Variants in TDP1 observed in about 807,000 individuals in gnomAD.
The protein encoded by TDP1 is tyrosyl-DNA phosphodiesterase 1, also known as tyr-DNA phosphodiesterase 1.
TDP1 carries 64 observed loss-of-function variants against 81.5 expected under a neutral mutation model. The observed-to-expected ratio is 0.79, with a 90% CI of 0.64 to 0.97. The LOEUF (loss-of-function observed/expected upper bound fraction) is 0.97. TDP1 is among the 50% of genes least tolerant of loss of function. TDP1 has a pLI of 0.00. For missense variants in TDP1, 723 were observed against 743.8 expected (o/e 0.97, Z 0.33); for synonymous variants, 256 against 264.3 (o/e 0.97, Z 0.30).
intron 14 of TDP1, among the ~76,000 whole-genome samples, chr14:89,998,791 G>A (rs1428758739): frequency 6.6e-6 from 1 of 152,070 alleles, no homozygotes; most frequent in Non-Finnish European, 1.5e-5. Context: ...AGCAAAGTGA[G>A]TGTTACTGGA....
chr14:89,985,522 A>G (rs1287108161), intron 10 of TDP1, among the ~76,000 whole-genome samples: 4 of 152,192 alleles, frequency 2.6e-5, no homozygotes, highest in Non-Finnish European at 5.9e-5. Flanking sequence ...TGTTCAGCAT[A>G]TCAAGTTTTA....
chr14:90,023,205 GGAAAGGC>G, intron 15 of TDP1: 4 of 668,266 alleles, frequency 6.0e-6, no homozygotes, highest in Admixed American at 2.2e-5. Context: ...GGGGGGCTTG[GGAAAGGC>G]TTTGTTAAGG....
In TDP1 at chr14:90,042,093, A is replaced by G. The variant is rs548795012; in HGVS notation, c.1754-977A>G. Among the ~76,000 whole-genome samples the G allele has an allele frequency of 2.0e-5, 3 of 152,306 alleles. No individual in the cohort carries two copies. The South Asian group carries it at 6.2e-4, about 32-fold the overall frequency. ...CTCAGTGTCCTTTCCATTGTACCAT[A>G]CCCAGGCATGTTGTTTTCTTCAGCA... On this transcript the variant is annotated intron_variant, in intron 16 of 16. Coordinates refer to ENST00000335725, the MANE Select transcript of TDP1 (RefSeq NM_018319.4).
intron 15 of TDP1, among the ~76,000 whole-genome samples, chr14:90,026,588 C>G (rs1307099596): frequency 6.6e-6 from 1 of 152,162 alleles, no homozygotes; most frequent in African/African-American, 2.4e-5. Context: ...TTAGGTATAT[C>G]TCCTAATGCC....
At chr14:89,970,760 T>C (rs1893532029) in intron 5 of TDP1, 2 of 942,708 alleles carry the variant, frequency 2.1e-6, no homozygotes, top group South Asian at 4.9e-5. Flanking sequence ...GCCGGAAACA[T>C]ATCGAGTGAT....
chr14:89,986,827 C>T lies in TDP1; in HGVS notation c.1131+1617C>T, dbSNP rs546432709. ...GAAGTGTATGTGTAAGTATTAATGC[C>T]TAACCTGTGTTAAGGAAAATAATAC... On this transcript the variant is annotated intron_variant, in intron 10 of 16. Coordinates refer to ENST00000335725, the MANE Select transcript of TDP1 (RefSeq NM_018319.4). Among the ~76,000 whole-genome samples, 11 of 152,258 alleles carry T rather than the reference C, an allele frequency of 7.2e-5. No individual in the cohort carries two copies. The South Asian group carries it at 2.3e-3, about 32-fold the overall frequency.
chr14:89,984,863 G>A lies in TDP1; in HGVS notation c.1052+180G>A, dbSNP rs539182333. 1.5e-4 allele frequency: 146 copies of A among 985,404 alleles called. No homozygotes were observed. In the South Asian group the frequency reaches 5.4e-3, roughly 36 times the overall value. The allele number at this position is 985,404 out of a possible 1,614,324, so 61.0% of individuals were successfully genotyped here. A position where few individuals can be genotyped will look rare whatever the true frequency, so the allele number is the denominator to read the frequency against. On this transcript the variant is annotated intron_variant, in intron 9 of 16. Coordinates refer to ENST00000335725, the MANE Select transcript of TDP1 (RefSeq NM_018319.4). The stretch of plus-strand genomic sequence containing the variant: ...TATCTTGTGGTTCTCAGGCATTAAA[G>A]TGACAGCCAGTGAATCCTCATGTTT...
chr14:89,997,412 A>G (rs935874440), intron 14 of TDP1, among the ~76,000 whole-genome samples: 1 of 152,196 alleles, frequency 6.6e-6, no homozygotes, highest in African/African-American at 2.4e-5. Context: ...GGGGATTGTC[A>G]CTGATATCAG....
At chr14:89,985,083 C>A in intron 9 of TDP1, 49 bp from the exon 10 acceptor site, 1 of 1,473,776 alleles carries the variant, frequency 6.8e-7, no homozygotes, top group African/African-American at 1.4e-5. Flanking sequence ...TTTTTGGTGC[C>A]CAAAGCACAT....
intron 14 of TDP1, among the ~76,000 whole-genome samples, chr14:89,995,029 A>C (rs1896542852): frequency 6.6e-6 from 1 of 152,234 alleles, no homozygotes; most frequent in South Asian, 2.1e-4. Flanking sequence ...TGTACTGTGA[A>C]TATCTGCTTT....
intron 14 of TDP1, among the ~76,000 whole-genome samples, chr14:90,010,363 A>G (rs1423348510): frequency 6.6e-6 from 1 of 152,258 alleles, no homozygotes; most frequent in African/African-American, 2.4e-5. Context: ...GTAATATATG[A>G]AAAGCACTGT....
At chr14:90,025,569 T>C (rs1031451933) in intron 15 of TDP1, among the ~76,000 whole-genome samples, 5 of 152,202 alleles carry the variant, frequency 3.3e-5, no homozygotes, top group African/African-American at 1.2e-4. Context: ...GTTTGGTGTA[T>C]AGTAGTAGTA....
chr14:89,968,387 C>T (rs952337697), intron 5 of TDP1, among the ~76,000 whole-genome samples: 4 of 152,088 alleles, frequency 2.6e-5, no homozygotes, highest in East Asian at 3.9e-4. Context: ...AGAGTCACCT[C>T]GTGGCCCAGT....
intron 16 of TDP1, among the ~76,000 whole-genome samples, chr14:90,040,491 T>C (rs1291868530): frequency 8.5e-5 from 13 of 152,166 alleles, no homozygotes; most frequent in Admixed American, 8.5e-4. Flanking sequence ...TACACAGATG[T>C]GGAAAAGGTC....
intron 1 of TDP1, chr14:89,956,221 C>G (rs902676776): frequency 6.6e-6 from 1 of 152,344 alleles, no homozygotes; most frequent in Admixed American, 6.5e-5. Context: ...TGTGTCCTGC[C>G]GGGGCGCGGC....
At chr14:90,005,241 G>A (rs1446250501) in intron 14 of TDP1, among the ~76,000 whole-genome samples, 1 of 152,148 alleles carries the variant, frequency 6.6e-6, no homozygotes, top group Non-Finnish European at 1.5e-5. Context: ...GGCTAAATCA[G>A]TGGATTTTAT....
At position 90,011,892 on chromosome 14, in the gene TDP1, A is replaced by G. The variant is rs576306291; in HGVS notation, c.1542-7424A>G. 7.2e-5 allele frequency among the ~76,000 whole-genome samples: 11 copies of G among 152,370 alleles called. No homozygotes were observed. In the South Asian group the frequency reaches 2.3e-3, roughly 32 times the overall value. ...AACCCATGTTCTGAGGACTACAGAA[A>G]TTTGCATAAGTAATGAGGAGCCAAA... On this transcript the variant is annotated intron_variant, in intron 14 of 16. Transcript: ENST00000335725.
chr14:89,976,604 T>G (rs1363935525), intron 7 of TDP1, among the ~76,000 whole-genome samples: 1 of 145,608 alleles, frequency 6.9e-6, no homozygotes, highest in Non-Finnish European at 1.5e-5. Flanking sequence ...TGGCACAATC[T>G]TGGCTCACTG....
intron 14 of TDP1, among the ~76,000 whole-genome samples, chr14:89,995,796 C>A (rs1374152658): frequency 6.6e-6 from 1 of 152,136 alleles, no homozygotes; most frequent in African/African-American, 2.4e-5. Flanking sequence ...CTCTTATTAC[C>A]AAGCTTAAAG....
Sources: allele counts gnomAD v4.1 joint callset (sites outside exome capture counted in the v4.1 genomes callset), GRCh38; gene constraint gnomAD v4.1.1; transcripts MANE v1.5; gene names NCBI Gene and HGNC (gene_info 2026-07-23, HGNC 2026-07-21).